Variants in TTBK2 observed in about 807,000 individuals in gnomAD.
TTBK2 encodes tau-tubulin kinase 2.
Under a neutral mutation model 110.8 loss-of-function variants are expected in TTBK2, and 28 were observed. The ratio of observed to expected loss-of-function variants is 0.25; its 90% CI spans 0.19 to 0.35. The LOEUF (loss-of-function observed/expected upper bound fraction) is 0.35, where lower values mean the gene tolerates loss of function less well. TTBK2 is among the 10% of genes least tolerant of loss of function. The pLI, the probability that TTBK2 is intolerant of heterozygous loss-of-function variation, is 1.00. For synonymous variants in TTBK2, 532 were observed against 527.3 expected, an observed-to-expected ratio of 1.01 and a Z score of -0.12; for missense variants, 1,369 against 1,500.3, an observed-to-expected ratio of 0.91 and a Z score of 1.45.
chr15:42,758,889 A>C (rs916777261), intron 13 of TTBK2, among the ~76,000 whole-genome samples: 1 of 152,158 alleles, frequency 6.6e-6, no homozygotes. Flanking sequence ...TAGTTTGGAG[A>C]GCTGCTAAAA....
At chr15:42,907,737 T>C (rs1160673004) in intron 1 of TTBK2, among the ~76,000 whole-genome samples, 2 of 152,020 alleles carry the variant, frequency 1.3e-5, no homozygotes, top group African/African-American at 4.8e-5. Context: ...ACATATAAAA[T>C]GGTAAAGATG....
intron 13 of TTBK2, among the ~76,000 whole-genome samples, 161 bp downstream of exon 13, chr15:42,774,974 A>C (rs1889835578): frequency 6.6e-6 from 1 of 152,196 alleles, no homozygotes; most frequent in Admixed American, 6.5e-5. Flanking sequence ...GAAAAATTTC[A>C]TATTGGAGGG....
chr15:42,835,101 T>C (rs1217187696), intron 4 of TTBK2, among the ~76,000 whole-genome samples: 1 of 152,212 alleles, frequency 6.6e-6, no homozygotes, highest in Non-Finnish European at 1.5e-5. Flanking sequence ...AGAAGAATTC[T>C]AGTAAACAAA....
At chr15:42,768,311 G>A (rs547267828) in intron 13 of TTBK2, among the ~76,000 whole-genome samples, 1 of 152,308 alleles carries the variant, frequency 6.6e-6, no homozygotes, top group East Asian at 1.9e-4. Flanking sequence ...CAGGAAAAGA[G>A]GAAGTCAAAT....
At chr15:42,867,955 A>T (rs1323379454) in intron 3 of TTBK2, among the ~76,000 whole-genome samples, 3 of 152,222 alleles carry the variant, frequency 2.0e-5, no homozygotes, top group African/African-American at 7.2e-5. Flanking sequence ...ATATTATTAA[A>T]TGTTAAAAAG....
intron 6 of TTBK2, among the ~76,000 whole-genome samples, chr15:42,821,136 A>T (rs527443006): frequency 1.3e-5 from 2 of 152,356 alleles, no homozygotes; most frequent in South Asian, 4.1e-4. Flanking sequence ...TATAGAATGT[A>T]TATCATGCTA....
chr15:42,801,947 G>T, intron 9 of TTBK2: 1 of 1,586,976 alleles, frequency 6.3e-7, no homozygotes. Flanking sequence ...AGCTTCTCCT[G>T]GCCCAGAGTC....
rs145545763 is a variant in TTBK2 at position 42,793,656 on chromosome 15, C to T, written c.980+988G>A. ...TTGAGGTCAGGAGTTTGAGACCAGA[C>T]TGACCAGCATAGTGAAACCCCGTCT... On this transcript the variant is annotated intron_variant, in intron 10 of 14. Transcript: ENST00000267890. Among the ~76,000 whole-genome samples the T allele has an allele frequency of 2.4e-4, 36 of 152,144 alleles. 2 individuals carry two copies. In the East Asian group the frequency reaches 6.8e-3, roughly 29 times the overall value.
intron 4 of TTBK2, among the ~76,000 whole-genome samples, chr15:42,839,770 G>T (rs1893145842): frequency 6.6e-6 from 1 of 152,102 alleles, no homozygotes; most frequent in Admixed American, 6.6e-5. Flanking sequence ...TTTTGGTGTG[G>T]AAGTGGGGTA....
chr15:42,908,946 G>A (rs1035655336), intron 1 of TTBK2, among the ~76,000 whole-genome samples: 3 of 152,146 alleles, frequency 2.0e-5, no homozygotes, highest in African/African-American at 7.2e-5. Flanking sequence ...GCTTCTTACT[G>A]TTGCTGTAAC....
intron 6 of TTBK2, 84 bp from the exon 7 acceptor site, chr15:42,817,181 GA>G (rs1892074352): frequency 9.3e-7 from 1 of 1,079,052 alleles, no homozygotes; most frequent in African/African-American, 1.6e-5. Context: ...GTAAATGGAA[GA>G]AACACGTCCT....
chr15:42,755,051 T>C (rs1385578776), intron 13 of TTBK2, among the ~76,000 whole-genome samples: 1 of 146,126 alleles, frequency 6.8e-6, no homozygotes, highest in African/African-American at 2.5e-5. Flanking sequence ...CTATGAGAAG[T>C]GAAAATCTAC....
chr15:42,778,998 G>A (rs111399254), intron 11 of TTBK2, among the ~76,000 whole-genome samples: 456 of 152,258 alleles, frequency 3.0e-3, no homozygotes, highest in Non-Finnish European at 5.7e-3. Flanking sequence ...AAAGTAGCTG[G>A]GAAGGAAAGA....
In TTBK2 at chr15:42,741,681, T is replaced by C. The variant is rs1025260730; in HGVS notation, c.*4114A>G. 6.6e-6 allele frequency: 1 copy of C among 152,202 alleles called. No homozygotes were observed. The allele number at this position is 152,202 out of a possible 1,614,324, so 9.4% of individuals were successfully genotyped here. On this transcript the variant is annotated 3_prime_UTR_variant, in exon 15 of 15. Coordinates refer to ENST00000267890, the MANE Select transcript of TTBK2 (RefSeq NM_173500.4). ...TCTAACATATGCCATGTTTGATCAATATAAAGAATAAGTTTTTAAAATATA... is the reference window on the plus strand; with the variant it reads ...TCTAACATATGCCATGTTTGATCAACATAAAGAATAAGTTTTTAAAATATA...
chr15:42,743,721 C>A lies in TTBK2; in HGVS notation c.*2074G>T, dbSNP rs1034190895. 2 of 152,094 alleles carry A rather than the reference C, an allele frequency of 1.3e-5. No individual in the cohort carries two copies. Among genetic ancestry groups the A allele is most frequent in the African/African-American group, 2.4e-5 (1 of 41,414 alleles). The allele number at this position is 152,094 out of a possible 1,614,324, so 9.4% of individuals were successfully genotyped here. ...TACAAGCATGTCCCTGTAATTTTTTCCCTATTAAAATCTTTTTGAAATGAA... is the reference window on the plus strand; with the variant it reads ...TACAAGCATGTCCCTGTAATTTTTTACCTATTAAAATCTTTTTGAAATGAA... On this transcript the variant is annotated 3_prime_UTR_variant, in exon 15 of 15. Coordinates refer to ENST00000267890, the MANE Select transcript of TTBK2 (RefSeq NM_173500.4).
intron 4 of TTBK2, among the ~76,000 whole-genome samples, chr15:42,831,594 A>T (rs1892763954): frequency 6.6e-6 from 1 of 152,190 alleles, no homozygotes; most frequent in African/African-American, 2.4e-5. Flanking sequence ...AGGTTCAAAG[A>T]GGTTAAATAA....
chr15:42,810,975 C>A (rs1891688031), intron 8 of TTBK2, among the ~76,000 whole-genome samples: 1 of 152,072 alleles, frequency 6.6e-6, no homozygotes, highest in Non-Finnish European at 1.5e-5. Flanking sequence ...TATCGATAGT[C>A]CCCAGAAAAA....
At chr15:42,886,109 T>C (rs148354319) in intron 1 of TTBK2, among the ~76,000 whole-genome samples, 1 of 152,290 alleles carries the variant, frequency 6.6e-6, no homozygotes, top group Non-Finnish European at 1.5e-5. Context: ...CTGTCCTATC[T>C]GTTCCTTCAG....
At chr15:42,810,901 G>A (rs1456535223) in intron 8 of TTBK2, among the ~76,000 whole-genome samples, 162 bp from the exon 9 acceptor site, 2 of 152,142 alleles carry the variant, frequency 1.3e-5, no homozygotes, top group Non-Finnish European at 2.9e-5. Context: ...AATGTACAGT[G>A]TTTTAAAGCG....
Sources: allele counts gnomAD v4.1 joint callset (sites outside exome capture counted in the v4.1 genomes callset), GRCh38; gene constraint gnomAD v4.1.1; transcripts MANE v1.5; gene names NCBI Gene and HGNC (gene_info 2026-07-23, HGNC 2026-07-21).